The following CNTN5 variants were observed in gnomAD, a reference collection of about 807,000 sequenced individuals.
CNTN5 encodes the protein contactin-5.
CNTN5 carries 77 observed loss-of-function variants against 129.1 expected under a neutral mutation model. The ratio of observed to expected loss-of-function variants is 0.60; its 90% CI spans 0.50 to 0.72. CNTN5 has a LOEUF of 0.72. Among genes scored for constraint, CNTN5 ranks in the 30% least tolerant of loss-of-function variants. The probability of loss-of-function intolerance (pLI) is 0.00; values close to 1 mark genes in which losing one functional copy is unlikely to be tolerated. For missense variants in CNTN5, 1,478 were observed against 1,328.8 expected, an observed-to-expected ratio of 1.11 and a Z score of -1.75; for synonymous variants, 509 against 465.6, an observed-to-expected ratio of 1.09 and a Z score of -1.20.
chr11:100,319,798 G>A (rs1233295487), intron 21 of CNTN5, among the ~76,000 whole-genome samples: 1 of 152,170 alleles, frequency 6.6e-6, no homozygotes, highest in Non-Finnish European at 1.5e-5. Flanking sequence ...GTAAGACCAT[G>A]TGGTATTTGT....
chr11:100,094,809 G>T (rs934832266), intron 13 of CNTN5, among the ~76,000 whole-genome samples: 2 of 141,072 alleles, frequency 1.4e-5, no homozygotes, highest in Non-Finnish European at 3.0e-5. Flanking sequence ...AGGAAGGAAG[G>T]AAGGAAGGAA....
chr11:99,129,424 A>T (rs1858818276), intron 1 of CNTN5, among the ~76,000 whole-genome samples: 1 of 152,074 alleles, frequency 6.6e-6, no homozygotes, highest in Non-Finnish European at 1.5e-5. Context: ...GAAAAGGAAT[A>T]ATAATAGAAA....
rs145050232 is a variant in CNTN5, at chr11:100,277,093, G to C, written c.2314+5852G>C. 3.2e-3 allele frequency among the ~76,000 whole-genome samples: 491 copies of C among 151,982 alleles called. 3 individuals carry two copies. The highest frequency in any genetic ancestry group is 0.011 in the African/African-American group (459 of 41,434). ...TGTGATGTTTGTCTTTCTGTGCCTGGCTTATTTCACTTAACATGATGATCT... is the reference window on the plus strand; with the variant it reads ...TGTGATGTTTGTCTTTCTGTGCCTGCCTTATTTCACTTAACATGATGATCT... On this transcript the variant is annotated intron_variant, in intron 18 of 24. Transcript: ENST00000524871.
chr11:99,432,452 TTTC>T, intron 2 of CNTN5, among the ~76,000 whole-genome samples: 1 of 143,812 alleles, frequency 7.0e-6, no homozygotes, highest in East Asian at 2.0e-4. Flanking sequence ...TTTCTTTTCT[TTTC>T]TTTTCTTTCC....
At chr11:100,059,461 T>C (rs1047109760) in intron 9 of CNTN5, among the ~76,000 whole-genome samples, 6 of 152,074 alleles carry the variant, frequency 3.9e-5, no homozygotes, top group African/African-American at 1.4e-4. Flanking sequence ...AGAATAGTTC[T>C]ATGGCCCTAA....
intron 6 of CNTN5, among the ~76,000 whole-genome samples, chr11:99,911,145 A>G (rs998746838): frequency 6.6e-6 from 1 of 152,034 alleles, no homozygotes; most frequent in Non-Finnish European, 1.5e-5. Context: ...AGTCTAATAT[A>G]ATTTGCCTTT....
chr11:99,119,656 T>G (rs1708100264), intron 1 of CNTN5, among the ~76,000 whole-genome samples: 2 of 152,184 alleles, frequency 1.3e-5, no homozygotes, highest in Admixed American at 1.3e-4. Context: ...TAAACGCAGT[T>G]ATGGGATTGC....
At chr11:100,045,757 G>A (rs908415891) in intron 9 of CNTN5, among the ~76,000 whole-genome samples, 12 of 148,248 alleles carry the variant, frequency 8.1e-5, no homozygotes, top group Admixed American at 1.3e-4. Flanking sequence ...AAATCTACTA[G>A]AGATGCCATC....
At chr11:99,642,886 T>C (rs5000317) in intron 3 of CNTN5, among the ~76,000 whole-genome samples, 91,313 of 151,948 alleles carry the variant, frequency 0.6, 28,272 homozygotes, top group Admixed American at 0.69. Context: ...TACCATAATG[T>C]CCTCTAGGTT....
intron 6 of CNTN5, among the ~76,000 whole-genome samples, chr11:99,910,878 T>C (rs1046837672): frequency 4.6e-5 from 7 of 152,118 alleles, no homozygotes; most frequent in African/African-American, 1.7e-4. Flanking sequence ...TACAGTGACC[T>C]GAATAATCCT....
chr11:99,130,164 A>G (rs1249375750), intron 1 of CNTN5, among the ~76,000 whole-genome samples: 1 of 152,096 alleles, frequency 6.6e-6, no homozygotes, highest in Non-Finnish European at 1.5e-5. Context: ...AATACAAAGA[A>G]CGGCAAGCTG....
chr11:99,216,911 G>A (rs139109131), intron 1 of CNTN5, among the ~76,000 whole-genome samples: 13 of 152,142 alleles, frequency 8.5e-5, no homozygotes, highest in South Asian at 2.1e-4. Flanking sequence ...ACGGCCAGGC[G>A]CGGTGACTCA....
At chr11:99,081,783 T>C (rs545564301) in intron 1 of CNTN5, among the ~76,000 whole-genome samples, 16 of 152,270 alleles carry the variant, frequency 1.1e-4, no homozygotes, top group African/African-American at 3.8e-4. Context: ...AATAATCACA[T>C]TGAATATTTT....
At chr11:99,128,375 C>T (rs1409723509) in intron 1 of CNTN5, among the ~76,000 whole-genome samples, 1 of 152,222 alleles carries the variant, frequency 6.6e-6, no homozygotes, top group Non-Finnish European at 1.5e-5. Context: ...TGTGGCAGAT[C>T]ACGGCCAGAC....
intron 3 of CNTN5, among the ~76,000 whole-genome samples, chr11:99,622,927 T>C (rs1487945651): frequency 6.6e-6 from 1 of 152,102 alleles, no homozygotes; most frequent in Non-Finnish European, 1.5e-5. Flanking sequence ...ACTGGGACCC[T>C]ACACAGTCCT....
At chr11:99,233,513 A>G (rs1861109484) in intron 1 of CNTN5, among the ~76,000 whole-genome samples, 1 of 152,328 alleles carries the variant, frequency 6.6e-6, no homozygotes, top group South Asian at 2.1e-4. Flanking sequence ...TTGTTTATAT[A>G]TGGTGACGTT....
intron 2 of CNTN5, among the ~76,000 whole-genome samples, chr11:99,447,274 C>T (rs1472556571): frequency 6.6e-6 from 1 of 152,142 alleles, no homozygotes; most frequent in Non-Finnish European, 1.5e-5. Flanking sequence ...TATAATTATT[C>T]TCTACTGCAC....
intron 1 of CNTN5, among the ~76,000 whole-genome samples, chr11:99,220,613 A>G (rs1440399195): frequency 2.0e-5 from 3 of 151,976 alleles, no homozygotes; most frequent in Non-Finnish European, 4.4e-5. Flanking sequence ...TTAAAAATCC[A>G]TTACTTTTAC....
At chr11:99,449,606 A>G (rs1269948259) in intron 2 of CNTN5, among the ~76,000 whole-genome samples, 1 of 152,168 alleles carries the variant, frequency 6.6e-6, no homozygotes, top group Non-Finnish European at 1.5e-5. Context: ...TCTGTGGATT[A>G]GTGGAGGTTC....
Sources: allele counts gnomAD v4.1 joint callset (sites outside exome capture counted in the v4.1 genomes callset), GRCh38; gene constraint gnomAD v4.1.1; transcripts MANE v1.5; gene names NCBI Gene and HGNC (gene_info 2026-07-23, HGNC 2026-07-21).